The following PER1 variants were observed in gnomAD, a reference collection of about 807,000 sequenced individuals.
PER1 encodes period circadian protein homolog 1.
In PER1, 87 loss-of-function variants were observed where a neutral mutation model predicts 125.9. The ratio of observed to expected loss-of-function variants is 0.69; its 90% CI spans 0.58 to 0.83. PER1 has a LOEUF of 0.83. PER1 is among the 40% of genes least tolerant of loss of function. PER1 has a pLI of 0.00. For synonymous variants in PER1, 801 were observed against 714.7 expected (o/e 1.12, Z -1.93); for missense variants, 1,775 against 1,722.8 (o/e 1.03, Z -0.54).
rs774343029 is a variant in PER1, at chr17:8,148,005, T to TA, written c.1225_1226insT (p.His409LeufsTer13). ...GGGCGAGAGGAACTCACTCTTCTTG[T>TA]GGATAGCCAGCATGAGGGGTCGGTC... is the stretch of plus-strand genomic sequence containing the variant. On this transcript the variant is annotated frameshift_variant, in exon 10 of 23. Transcript: ENST00000317276. LOFTEE classifies it high-confidence loss of function. The TA allele has an allele frequency of 3.7e-6, 6 of 1,612,158 alleles. No homozygotes were observed. Among genetic ancestry groups the TA allele is most frequent in the Non-Finnish European group, 5.1e-6 (6 of 1,179,076 alleles).
In PER1 at chr17:8,144,754, G is replaced by T; in HGVS notation, c.2458C>A (p.Arg820=). ...SSTAPSALGE[R]GCHHGPAPPS... ...CCAGGAGGCCCCAGGTGGCTACCTC[G>T]CTCGCCAAGGGCTGAGGGAGCTGTG... The change falls in exon 18 of 23, where the codon CGA becomes AGA. Residue 820 remains arginine (R), a synonymous_variant. Transcript: ENST00000317276. 6.4e-7 allele frequency: 1 copy of T among 1,566,510 alleles called. No homozygotes were observed. Among genetic ancestry groups the T allele is most frequent in the Non-Finnish European group, 8.6e-7 (1 of 1,157,684 alleles).
rs1420702854 is a variant in PER1, at chr17:8,149,996, T to C, written c.504A>G (p.Ala168=). 1.2e-6 allele frequency: 2 copies of C among 1,614,094 alleles called. No homozygotes were observed. The highest frequency in any genetic ancestry group is 1.1e-5 in the South Asian group (1 of 91,084). The change falls in exon 4 of 23, where the codon GCA becomes GCG. Residue 168 remains alanine, a synonymous_variant. Transcript: ENST00000317276. ...CCTGCACCTGCTTGACACAGGCCAG[T>C]GCGTACTGCAGCGTGGCCAGGGTCC... ...RSGTLATLQY[A]LACVKQVQAN...
chr17:8,146,949 C>G lies in PER1; in HGVS notation c.1683G>C (p.Gln561His), dbSNP rs532952754. 6.2e-7 allele frequency: 1 copy of G among 1,614,112 alleles called. No individual in the cohort carries two copies. The highest frequency in any genetic ancestry group is 1.3e-5 in the African/African-American group (1 of 75,026). ...GGGCCCGAGACTCAATAAAAAGCTG[C>G]TGGCCCTGGTGCTTCACCAGATGCA... is the stretch of plus-strand genomic sequence containing the variant. ...KDVHLVKHQG[Q>H]QLFIESRARP... Residue 561 changes from glutamine (Q) to histidine (H), a missense_variant, in exon 14 of 23, where the codon CAG (glutamine) becomes CAC (histidine). By Grantham distance (24) the Gln-to-His change is conservative. Transcript: ENST00000317276.
rs1034141309 is a variant in PER1, at chr17:8,140,605, A to C, written c.*463T>G. On this transcript the variant is annotated 3_prime_UTR_variant, in exon 23 of 23. Transcript: ENST00000317276. ...GGCAGCACCAGGGACTCCATGGTCC[A>C]CCAACCTCCCCCACTCCAGAGCAGC... 4 of 239,562 alleles carry C rather than the reference A, an allele frequency of 1.7e-5. No individual in the cohort carries two copies. The highest frequency in any genetic ancestry group is 2.5e-5 in the Non-Finnish European group (3 of 121,276). 14.8% of individuals were successfully genotyped at this position (239,562 alleles called of 1,614,324 possible).
intron 17 of PER1, among the ~76,000 whole-genome samples, chr17:8,145,324 C>CTTTTTTTTTTTTTT (rs398030276): frequency 1.6e-5 from 2 of 125,518 alleles, no homozygotes; most frequent in Non-Finnish European, 1.6e-5. Context: ...TTTCTTGTTT[C>CTTTTTTTTTTTTTT]TTTTTTTTTT....
In PER1 at chr17:8,140,648, G is replaced by A. The variant is rs567359051; in HGVS notation, c.*420C>T. 347 of 246,674 alleles carry A rather than the reference G, an allele frequency of 1.4e-3. No individual in the cohort carries two copies. The highest frequency in any genetic ancestry group is 2.6e-3 in the Admixed American group (52 of 20,240). The allele number at this position is 246,674 out of a possible 1,614,324, so 15.3% of individuals were successfully genotyped here. A position where few individuals can be genotyped will look rare whatever the true frequency, so the allele number is the denominator to read the frequency against. On this transcript the variant is annotated 3_prime_UTR_variant, in exon 23 of 23. Transcript: ENST00000317276. ...AGAGCAGCTAGGGGCTGGAACCCCCGGGTCCTGCTTGGGCCTCAGGCTCTC... is the reference window on the plus strand; with the variant it reads ...AGAGCAGCTAGGGGCTGGAACCCCCAGGTCCTGCTTGGGCCTCAGGCTCTC...
rs144136840 is a variant in PER1 at position 8,150,581 on chromosome 17, G to C, written c.126C>G (p.Ala42=). 4.3e-6 allele frequency: 7 copies of C among 1,613,952 alleles called. No homozygotes were observed. In the African/African-American group the frequency reaches 9.3e-5, roughly 22 times the overall value. Residue 42 remains alanine (A), a synonymous_variant, in exon 2 of 23, where the codon GCC becomes GCG. Coordinates refer to ENST00000317276, the MANE Select transcript of PER1 (RefSeq NM_002616.3). ...QHRPCPGPSL[A]DDTDANSNGS... ...CATTGCTGTTGGCATCGGTGTCATC[G>C]GCCAGGCTGGGGCCTGGGCAAGGCC...
chr17:8,143,490 CA>C lies in PER1; in HGVS notation c.2847del (p.Ala950ProfsTer172). 6.3e-7 allele frequency: 1 copy of C among 1,586,348 alleles called. No homozygotes were observed. Among genetic ancestry groups the C allele is most frequent in the South Asian group, 1.2e-5 (1 of 86,478 alleles). On this transcript the variant is annotated frameshift_variant, in exon 19 of 23. Coordinates refer to ENST00000317276, the MANE Select transcript of PER1 (RefSeq NM_002616.3). LOFTEE classifies it high-confidence loss of function. Reference protein sequence around the residue: ...LQTPAEGPPTPASHSPSPSLP... With the variant: ...LQTPAEGPPTXASHSPSPSLP... ...AAGGATGGAGAAGGGGAGTGCGAGG[CA>C]GGAGTGGGAGGCCCTTCAGCAGGGG...
intron 16 of PER1, 34 bp downstream of exon 16, chr17:8,146,338 G>C (rs200127889): frequency 5.6e-4 from 881 of 1,574,076 alleles, no homozygotes; most frequent in Non-Finnish European, 7.2e-4. Context: ...AGGCCAGGAC[G>C]GGGCAGTGGG....
intron 21 of PER1, 141 bp downstream of exon 21, chr17:8,142,128 G>A (rs920761601): frequency 6.3e-6 from 7 of 1,107,288 alleles, no homozygotes; most frequent in Non-Finnish European, 9.1e-6. Flanking sequence ...CTCCTGGGAG[G>A]AACTAGTAAC....
In PER1 at chr17:8,141,269, A is replaced by T. The variant is rs745380721; in HGVS notation, c.3672T>A (p.Asp1224Glu). ...HPDDPLFSEL[D>E]GLGLEPMEEG... ...CTTCCATGGGCTCCAGCCCCAGTCCATCCAGCTCTGAGAAGAGTGGGTCAT... is the reference window on the plus strand; with the variant it reads ...CTTCCATGGGCTCCAGCCCCAGTCCTTCCAGCTCTGAGAAGAGTGGGTCAT... Residue 1224 changes from aspartate to glutamate, a missense_variant, in exon 23 of 23, where the codon GAT becomes GAA. Physicochemically the swap from Asp to Glu is conservative, Grantham distance 45. Coordinates refer to ENST00000317276, the MANE Select transcript of PER1 (RefSeq NM_002616.3). 2 of 1,613,952 alleles carry T rather than the reference A, an allele frequency of 1.2e-6. No individual in the cohort carries two copies. The highest frequency in any genetic ancestry group is 1.7e-6 in the Non-Finnish European group (2 of 1,180,026).
At chr17:8,147,079 G>A in intron 13 of PER1, 77 bp from the exon 14 acceptor site, 2 of 1,428,310 alleles carry the variant, frequency 1.4e-6, no homozygotes, top group South Asian at 1.2e-5. Context: ...AATAAAACAA[G>A]AAGGTACCAG....
At chr17:8,145,881 G>A (rs1982399200) in intron 17 of PER1, 77 bp downstream of exon 17, 2 of 1,478,710 alleles carry the variant, frequency 1.4e-6, no homozygotes, top group African/African-American at 1.4e-5. Context: ...CCCTAGAGGG[G>A]AGGGGAAAGG....
chr17:8,144,252 TCGAGGC>T, intron 18 of PER1: 1 of 388,968 alleles, frequency 2.6e-6, no homozygotes, highest in Non-Finnish European at 4.6e-6. Context: ...CTCCTGCCCA[TCGAGGC>T]CGTATTCTGC....
intron 19 of PER1, 103 bp from the exon 20 acceptor site, chr17:8,142,938 G>A (rs1982175518): frequency 6.9e-6 from 6 of 875,804 alleles, no homozygotes; most frequent in Non-Finnish European, 8.8e-6. Flanking sequence ...CAACCCCAGT[G>A]GTCTCTGCTC....
At chr17:8,150,361 G>A (rs1982778206) in intron 2 of PER1, 44 bp from the exon 3 acceptor site, 2 of 1,554,460 alleles carry the variant, frequency 1.3e-6, no homozygotes, top group Non-Finnish European at 1.7e-6. Flanking sequence ...GGCCAGCAGT[G>A]CGAGGCCTGT....
Position 8,150,075 on chromosome 17 carries a change from A to C in PER1, c.425T>G (p.Leu142Arg). The C allele has an allele frequency of 6.2e-7, 1 of 1,614,218 alleles. No homozygotes were observed. The highest frequency in any genetic ancestry group is 8.5e-7 in the Non-Finnish European group (1 of 1,180,038). The change falls in exon 4 of 23, where the codon CTT (leucine) becomes CGT (arginine). Residue 142 changes from leucine (L) to arginine (R), a missense_variant. By Grantham distance (102) the Leu-to-Arg change is moderately radical (BLOSUM62 -2). Coordinates refer to ENST00000317276, the MANE Select transcript of PER1 (RefSeq NM_002616.3). ...CGGCAGTCGAAGCTTGAGCTCTCGA[A>C]GTGCTGTCATGAGTTCCTTCTGAGT... ...ARTQKELMTA[L>R]RELKLRLPPE...
chr17:8,149,096 G>A (rs1021170205), intron 7 of PER1, 163 bp downstream of exon 7: 39 of 692,336 alleles, frequency 5.6e-5, no homozygotes, highest in Non-Finnish European at 9.0e-5. Flanking sequence ...GGCTGAGGCA[G>A]GAGAATCGCT....
chr17:8,146,441 A>G lies in PER1; in HGVS notation c.1969T>C (p.Tyr657His). ...TCGTCAGAGGCTGAGGAGGTGGTAT[A>G]GGAGGAGGAGGAGGCACATTTACGC... ...TKRKCASSSS[Y>H]TTSSASDDDR... Residue 657 changes from tyrosine (Y) to histidine (H), a missense_variant, in exon 16 of 23, where the codon TAT becomes CAT. Tyr to His is a moderately conservative substitution (Grantham distance 83). Transcript: ENST00000317276. 1 of 1,611,012 alleles carries G rather than the reference A, an allele frequency of 6.2e-7. No homozygotes were observed. Among genetic ancestry groups the G allele is most frequent in the Non-Finnish European group, 8.5e-7 (1 of 1,178,040 alleles).
Sources: gnomAD v4.1 joint callset for allele counts (sites outside exome capture counted in the v4.1 genomes callset) on GRCh38, gnomAD v4.1.1 for gene constraint, MANE v1.5 for transcripts, NCBI Gene and HGNC (gene_info 2026-07-23, HGNC 2026-07-21) for gene names.